The following RBM6 variants were observed in gnomAD, a reference collection of about 807,000 sequenced individuals.
RBM6 encodes RNA binding motif protein 6.
RBM6 carries 23 observed loss-of-function variants against 140.4 expected under a neutral mutation model. The ratio of observed to expected loss-of-function variants is 0.16; its 90% CI spans 0.12 to 0.23. RBM6 has a LOEUF of 0.23. Among genes scored for constraint, RBM6 ranks in the 10% least tolerant of loss-of-function variants. RBM6 has a pLI of 1.00. For missense variants in RBM6, 1,139 were observed against 1,386.7 expected, an observed-to-expected ratio of 0.82 and a Z score of 2.84; for synonymous variants, 439 against 475.6, an observed-to-expected ratio of 0.92 and a Z score of 1.00.
At chr3:50,041,067 C>A (rs1276308741) in intron 6 of RBM6, among the ~76,000 whole-genome samples, 1 of 152,154 alleles carries the variant, frequency 6.6e-6, no homozygotes, top group African/African-American at 2.4e-5. Flanking sequence ...TGGCTTGATG[C>A]TGGTTGTTGC....
At chr3:49,982,653 G>T (rs1220043981) in intron 5 of RBM6, among the ~76,000 whole-genome samples, 3 of 150,980 alleles carry the variant, frequency 2.0e-5, no homozygotes, top group Non-Finnish European at 4.4e-5. Flanking sequence ...CCCGAGCTCA[G>T]GTGATCCACC....
chr3:49,992,435 A>G (rs1321205226), intron 5 of RBM6, among the ~76,000 whole-genome samples: 3 of 152,254 alleles, frequency 2.0e-5, no homozygotes, highest in Non-Finnish European at 4.4e-5. Context: ...ACTGCCTTTC[A>G]GCTGCTAAAG....
chr3:49,965,995 G>T (rs1026224880), intron 2 of RBM6, among the ~76,000 whole-genome samples: 1 of 152,008 alleles, frequency 6.6e-6, no homozygotes, highest in African/African-American at 2.4e-5. Flanking sequence ...GCATGGTGGC[G>T]CATGCCTGTA....
intron 6 of RBM6, among the ~76,000 whole-genome samples, chr3:50,030,512 T>G (rs2088095474): frequency 6.6e-6 from 1 of 152,200 alleles, no homozygotes. Context: ...TTCTGTTTAT[T>G]TTATAGTTTA....
intron 4 of RBM6, 90 bp from the exon 5 acceptor site, chr3:49,975,228 TTTAAA>T: frequency 9.0e-7 from 1 of 1,109,402 alleles, no homozygotes; most frequent in Admixed American, 1.8e-5. Context: ...TAATCATGGC[TTTAAA>T]TTATGTATGA....
chr3:49,942,420 C>G (rs1016545236), intron 1 of RBM6, among the ~76,000 whole-genome samples: 2 of 147,170 alleles, frequency 1.4e-5, no homozygotes, highest in Non-Finnish European at 3.0e-5. Flanking sequence ...ACCCGAGAGG[C>G]GGAGCTTGCA....
At chr3:50,035,464 C>T (rs1279210997) in intron 6 of RBM6, among the ~76,000 whole-genome samples, 1 of 151,992 alleles carries the variant, frequency 6.6e-6, no homozygotes, top group South Asian at 2.1e-4. Context: ...GGGCGGATCA[C>T]GAGGTCAGAA....
intron 1 of RBM6, among the ~76,000 whole-genome samples, chr3:49,953,799 C>T (rs532949075): frequency 6.6e-6 from 1 of 152,060 alleles, no homozygotes; most frequent in South Asian, 2.1e-4. Flanking sequence ...GGGTTACAAG[C>T]GTGAGCCACC....
intron 2 of RBM6, among the ~76,000 whole-genome samples, chr3:49,963,872 T>C (rs181648327): frequency 6.6e-6 from 1 of 152,256 alleles, no homozygotes; most frequent in East Asian, 1.9e-4. Flanking sequence ...GTTGCTCCAG[T>C]TGAAACTTCT....
At chr3:49,969,622 C>T (rs1228869948) in intron 3 of RBM6, among the ~76,000 whole-genome samples, 2 of 151,122 alleles carry the variant, frequency 1.3e-5, no homozygotes, top group Admixed American at 6.6e-5. Flanking sequence ...ATTTGAGACA[C>T]GGTCTTGCTC....
chr3:49,944,779 A>G (rs1034653107), intron 1 of RBM6, among the ~76,000 whole-genome samples: 6 of 149,972 alleles, frequency 4.0e-5, no homozygotes, highest in Non-Finnish European at 7.4e-5. Context: ...CCCAGCCACA[A>G]ATATCAAGTC....
At chr3:50,068,882 A>T in intron 18 of RBM6, 118 bp downstream of exon 18, 3 of 847,994 alleles carry the variant, frequency 3.5e-6, no homozygotes, top group Non-Finnish European at 5.6e-6. Flanking sequence ...GCAGCCTCAA[A>T]AGATAGTGCA....
At chr3:49,946,834 C>T (rs2083507566) in intron 1 of RBM6, among the ~76,000 whole-genome samples, 1 of 150,108 alleles carries the variant, frequency 6.7e-6, no homozygotes, top group Non-Finnish European at 1.5e-5. Flanking sequence ...CTCACCCGGC[C>T]TATTTTCTGT....
At chr3:50,023,410 A>C (rs114512230) in intron 6 of RBM6, among the ~76,000 whole-genome samples, 1 of 151,976 alleles carries the variant, frequency 6.6e-6, no homozygotes, top group Admixed American at 6.6e-5. Flanking sequence ...GGTTCAAGCT[A>C]TTCTCCTGTT....
intron 19 of RBM6, among the ~76,000 whole-genome samples, chr3:50,071,905 G>GA (rs2090311042): frequency 6.6e-6 from 1 of 151,308 alleles, no homozygotes; most frequent in Admixed American, 6.6e-5. Flanking sequence ...CCAAGATGGT[G>GA]AAACCCCTTC....
rs58115280 is a variant in RBM6, at chr3:50,018,581, G to GTT, written c.1557+19097_1557+19098dup. ...TTACTGGATCGTATGGTAGGAGTGT[G>GTT]TTTTTTTTTTTTTTTTTTTTTTTTT... is the stretch of plus-strand genomic sequence containing the variant. On this transcript the variant is annotated intron_variant, in intron 6 of 20. Transcript: ENST00000266022. 9.7e-3 allele frequency among the ~76,000 whole-genome samples: 616 copies of GTT among 63,588 alleles called. 64 individuals are homozygous for GTT. The highest frequency in any genetic ancestry group is 0.016 in the Middle Eastern group (1 of 62). The allele number at this position is 63,588 out of a possible 152,430, so 41.7% of individuals were successfully genotyped here.
chr3:49,999,022 C>T (rs1489794191), intron 5 of RBM6, among the ~76,000 whole-genome samples: 1 of 146,906 alleles, frequency 6.8e-6, no homozygotes, highest in African/African-American at 2.5e-5. Flanking sequence ...GCTTTTTTTT[C>T]TTCTCTCGGG....
intron 6 of RBM6, among the ~76,000 whole-genome samples, chr3:50,002,541 C>T (rs1398468845): frequency 1.3e-5 from 2 of 151,860 alleles, no homozygotes; most frequent in Non-Finnish European, 2.9e-5. Context: ...GGACTGCAGG[C>T]GTGAGCCACC....
chr3:49,979,437 TG>T (rs1355881814), intron 5 of RBM6, among the ~76,000 whole-genome samples: 2 of 149,948 alleles, frequency 1.3e-5, no homozygotes, highest in African/African-American at 2.5e-5. Flanking sequence ...TTGCTTACTT[TG>T]TTTTTTTTTT....
Sources: allele counts gnomAD v4.1 joint callset (sites outside exome capture counted in the v4.1 genomes callset), GRCh38; gene constraint gnomAD v4.1.1; transcripts MANE v1.5; gene names NCBI Gene and HGNC (gene_info 2026-07-23, HGNC 2026-07-21).